The following WDTC1 variants were observed in gnomAD, a reference collection of about 807,000 sequenced individuals.
WDTC1 encodes WD and tetratricopeptide repeats 1.
In WDTC1, 12 loss-of-function variants were observed where a neutral mutation model predicts 76.0. The observed-to-expected ratio is 0.16, with a 90% CI of 0.10 to 0.26. The LOEUF is 0.26. Among genes scored for constraint, WDTC1 ranks in the 10% least tolerant of loss-of-function variants. The pLI is 1.00. For missense variants in WDTC1, 511 were observed against 908.8 expected (o/e 0.56, Z 5.63); for synonymous variants, 326 against 350.8 (o/e 0.93, Z 0.79).
intron 10 of WDTC1, 81 bp downstream of exon 10, chr1:27,296,482 C>A: frequency 6.8e-7 from 1 of 1,463,062 alleles, no homozygotes; most frequent in Non-Finnish European, 9.6e-7. Flanking sequence ...GAAGCCTGCC[C>A]TTTACTCTGG....
chr1:27,256,316 C>G (rs2012279888), intron 1 of WDTC1, among the ~76,000 whole-genome samples: 1 of 152,098 alleles, frequency 6.6e-6, no homozygotes, highest in Non-Finnish European at 1.5e-5. Flanking sequence ...ACACTAGATC[C>G]CAGTTCAGGG....
chr1:27,303,336 C>A lies in WDTC1; in HGVS notation c.1469-285C>A, dbSNP rs1334218758. Among the ~76,000 whole-genome samples, 1 of 152,084 alleles carries A rather than the reference C, an allele frequency of 6.6e-6. No individual in the cohort carries two copies. On this transcript the variant is annotated intron_variant, in intron 13 of 15. Coordinates refer to ENST00000319394, the MANE Select transcript of WDTC1 (RefSeq NM_001276252.2). The surrounding 1 kb of genome is among the most constrained non-coding windows in gnomAD (Gnocchi z 4.8). ...TACCCTCCCCTGCCTCTTACCTCCACAGAAACAGACTTTGAGTCTCTGCAT... is the reference window on the plus strand; with the variant it reads ...TACCCTCCCCTGCCTCTTACCTCCAAAGAAACAGACTTTGAGTCTCTGCAT...
At chr1:27,265,911 C>T (rs1193055410) in intron 3 of WDTC1, among the ~76,000 whole-genome samples, 1 of 151,740 alleles carries the variant, frequency 6.6e-6, no homozygotes, top group Non-Finnish European at 1.5e-5. Flanking sequence ...CTCGCCATTG[C>T]ACTCTAGGCC....
At chr1:27,284,176 A>C (rs2013266671) in intron 5 of WDTC1, among the ~76,000 whole-genome samples, 1 of 152,192 alleles carries the variant, frequency 6.6e-6, no homozygotes, top group Non-Finnish European at 1.5e-5. Context: ...TGAGGAAAGA[A>C]AGAACTGTCT....
intron 1 of WDTC1, among the ~76,000 whole-genome samples, chr1:27,237,655 C>G (rs1043811994): frequency 1.1e-4 from 16 of 151,998 alleles, no homozygotes; most frequent in Non-Finnish European, 1.9e-4. Context: ...TGAGACCATC[C>G]TGGCTAACAC....
chr1:27,303,484 A>T lies in WDTC1; in HGVS notation c.1469-137A>T. ...TGCATCTTCCTCACAACCTTTCCCCAGTTTTCCAGGATAAGGGTGGAGGCA... is the reference window on the plus strand; with the variant it reads ...TGCATCTTCCTCACAACCTTTCCCCTGTTTTCCAGGATAAGGGTGGAGGCA... On this transcript the variant is annotated intron_variant, in intron 13 of 15. Transcript: ENST00000319394. The surrounding 1 kb of genome is among the most constrained non-coding windows in gnomAD (Gnocchi z 4.8). 1 of 1,104,758 alleles carries T rather than the reference A, an allele frequency of 9.1e-7. No individual in the cohort carries two copies. The highest frequency in any genetic ancestry group is 1.2e-6 in the Non-Finnish European group (1 of 810,626). The allele number at this position is 1,104,758 out of a possible 1,614,324, so 68.4% of individuals were successfully genotyped here. A position where few individuals can be genotyped will look rare whatever the true frequency, so the allele number is the denominator to read the frequency against.
chr1:27,282,016 A>G (rs960042224), intron 3 of WDTC1, among the ~76,000 whole-genome samples: 1 of 152,220 alleles, frequency 6.6e-6, no homozygotes, highest in Non-Finnish European at 1.5e-5. Context: ...CTTGTCCTTT[A>G]TGGCTCAGAA....
chr1:27,297,939 C>A lies in WDTC1; in HGVS notation c.1060C>A (p.Pro354Thr). 2 of 1,608,272 alleles carry A rather than the reference C, an allele frequency of 1.2e-6. No homozygotes were observed. The highest frequency in any genetic ancestry group is 1.7e-6 in the Non-Finnish European group (2 of 1,176,210). Reference protein sequence around the residue: ...RLPESRGHVSPQVELPPYLER... With the variant: ...RLPESRGHVSTQVELPPYLER... The stretch of plus-strand genomic sequence containing the variant: ...GACTTGGCTCTATTTCCCCTGCAGC[C>A]CCCAAGTAGAGCTACCACCATACCT... The change falls in exon 12 of 16, where the codon CCC (proline) becomes ACC (threonine). Residue 354 changes from proline (P) to threonine (T), a missense_variant and splice_region_variant. Pro to Thr is a conservative substitution (Grantham distance 38). Transcript: ENST00000319394.
rs373727481 is a variant in WDTC1 at position 27,286,620 on chromosome 1, C to G, written c.292-1054C>G. ...GAGTAGCTGGGACTACAGGCGCACG[C>G]CCGGCTAATTTTTTTATATTTTTAG... is the stretch of plus-strand genomic sequence containing the variant. On this transcript the variant is annotated intron_variant, in intron 5 of 15. Transcript: ENST00000319394. Among the ~76,000 whole-genome samples the G allele has an allele frequency of 6.6e-5, 10 of 151,342 alleles. No homozygotes were observed. The East Asian group carries it at 1.6e-3, about 24-fold the overall frequency.
Position 27,303,537 on chromosome 1 carries a change from C to G in WDTC1, c.1469-84C>G. 6.7e-7 allele frequency: 1 copy of G among 1,481,996 alleles called. No homozygotes were observed. Among genetic ancestry groups the G allele is most frequent in the Non-Finnish European group, 8.9e-7 (1 of 1,117,488 alleles). The allele number at this position is 1,481,996 out of a possible 1,614,324, so 91.8% of individuals were successfully genotyped here. ...TAGCTCTATGTTGTCAGACTTTGGACTGAAAACAGAGCCATAGGTGGGGGA... is the reference window on the plus strand; with the variant it reads ...TAGCTCTATGTTGTCAGACTTTGGAGTGAAAACAGAGCCATAGGTGGGGGA... On this transcript the variant is annotated intron_variant, in intron 13 of 15. Coordinates refer to ENST00000319394, the MANE Select transcript of WDTC1 (RefSeq NM_001276252.2). The surrounding 1 kb of genome is among the most constrained non-coding windows in gnomAD (Gnocchi z 4.8).
chr1:27,294,956 G>A (rs1162061059), intron 9 of WDTC1, among the ~76,000 whole-genome samples: 2 of 152,192 alleles, frequency 1.3e-5, no homozygotes, highest in Non-Finnish European at 2.9e-5. Context: ...CTTTGAGCAA[G>A]TCTCTTTATT....
At chr1:27,238,503 A>G (rs896221979) in intron 1 of WDTC1, among the ~76,000 whole-genome samples, 3 of 152,036 alleles carry the variant, frequency 2.0e-5, no homozygotes, top group African/African-American at 7.3e-5. Flanking sequence ...TCTTTGAGAC[A>G]GAGTCTTACT....
chr1:27,239,182 G>A (rs1446644067), intron 1 of WDTC1, among the ~76,000 whole-genome samples: 1 of 149,994 alleles, frequency 6.7e-6, no homozygotes, highest in Non-Finnish European at 1.5e-5. Context: ...GGGAATACAG[G>A]TGTGAGCCAC....
At chr1:27,244,522 T>C (rs969524033) in intron 1 of WDTC1, among the ~76,000 whole-genome samples, 1 of 152,078 alleles carries the variant, frequency 6.6e-6, no homozygotes, top group African/African-American at 2.4e-5. Context: ...TTAAAAAACT[T>C]TTTTATAGAG....
intron 1 of WDTC1, among the ~76,000 whole-genome samples, chr1:27,247,712 C>CTTTTTTTTTTTTTTTTTT (rs35930144): frequency 7.3e-6 from 1 of 136,560 alleles, no homozygotes; most frequent in African/African-American, 2.7e-5. Context: ...CATTTTCTTT[C>CTTTTTTTTTTTTTTTTTT]TTTTTTTTTT....
At chr1:27,239,821 A>AC (rs1209975945) in intron 1 of WDTC1, among the ~76,000 whole-genome samples, 1 of 151,036 alleles carries the variant, frequency 6.6e-6, no homozygotes, top group Admixed American at 6.6e-5. Flanking sequence ...AAAAAAAAAA[A>AC]AAAAACCAAA....
At chr1:27,284,944 G>T (rs1482341742) in intron 5 of WDTC1, among the ~76,000 whole-genome samples, 2 of 151,230 alleles carry the variant, frequency 1.3e-5, no homozygotes, top group Non-Finnish European at 2.9e-5. Context: ...TGTGCATTGA[G>T]TGTATGCCGT....
At chr1:27,245,880 A>G (rs762306359) in intron 1 of WDTC1, among the ~76,000 whole-genome samples, 1 of 151,610 alleles carries the variant, frequency 6.6e-6, no homozygotes, top group Non-Finnish European at 1.5e-5. Context: ...GGGACATGCT[A>G]TGGGAGGTAG....
chr1:27,279,130 ATGTT>A (rs772669977), intron 3 of WDTC1, among the ~76,000 whole-genome samples: 75 of 152,322 alleles, frequency 4.9e-4, no homozygotes, highest in Non-Finnish European at 7.8e-4. Context: ...ACTGATTTAT[ATGTT>A]TGTTTATTTT....
Sources: allele counts gnomAD v4.1 joint callset (sites outside exome capture counted in the v4.1 genomes callset), GRCh38; gene constraint gnomAD v4.1.1; non-coding constraint Gnocchi (gnomAD v3.1); transcripts MANE v1.5; gene names NCBI Gene and HGNC (gene_info 2026-07-23, HGNC 2026-07-21).